TNC: variants seen among roughly 807,000 people sequenced by gnomAD.
TNC encodes tenascin C, also known as tenascin.
TNC carries 109 observed loss-of-function variants against 202.4 expected under a neutral mutation model. The ratio of observed to expected loss-of-function variants is 0.54; its 90% CI spans 0.46 to 0.63. The LOEUF (loss-of-function observed/expected upper bound fraction) is 0.63, where lower values mean the gene tolerates loss of function less well. Ranked by LOEUF, TNC falls within the 30% of genes least tolerant of loss-of-function variation. The probability of loss-of-function intolerance (pLI) is 0.00; values close to 1 mark genes in which losing one functional copy is unlikely to be tolerated. For missense variants in TNC, 2,756 were observed against 2,833.3 expected (o/e 0.97, Z 0.62); for synonymous variants, 1,007 against 1,089.7 (o/e 0.92, Z 1.50).
chr9:115,026,173 G>A (rs1829463046), intron 26 of TNC, among the ~76,000 whole-genome samples: 1 of 152,172 alleles, frequency 6.6e-6, no homozygotes, highest in African/African-American at 2.4e-5. Context: ...TACACCCAGA[G>A]TAAATTGAGA....
chr9:115,039,987 T>C (rs1281344936), intron 19 of TNC, among the ~76,000 whole-genome samples: 2 of 152,264 alleles, frequency 1.3e-5, no homozygotes, highest in Non-Finnish European at 2.9e-5. Flanking sequence ...CTATGAGGTC[T>C]ATTCTTTGTA....
In TNC at chr9:115,060,659, T is replaced by C. The variant is rs1832475248; in HGVS notation, c.4034-657A>G. On this transcript the variant is annotated intron_variant, in intron 13 of 27. Transcript: ENST00000350763. ...AATCCCTGCTTTATTTCATTATTTA[T>C]AATTAGAAAGATTATCTCATCACTA... is the stretch of plus-strand genomic sequence containing the variant. Among the ~76,000 whole-genome samples, 2 of 152,236 alleles carry C rather than the reference T, an allele frequency of 1.3e-5. 1 individual carries two copies. The highest frequency in any genetic ancestry group is 3.8e-4 in the East Asian group (2 of 5,204).
At chr9:115,024,340 A>G (rs976019951) in intron 26 of TNC, among the ~76,000 whole-genome samples, 1 of 152,206 alleles carries the variant, frequency 6.6e-6, no homozygotes, top group South Asian at 2.1e-4. Flanking sequence ...AAGCAGCATA[A>G]TGTGGTGGGA....
rs993072081 is a variant in TNC at position 115,020,558 on chromosome 9, A to T, written c.*599T>A. The T allele has an allele frequency of 4.1e-5, 5 of 120,516 alleles. No individual in the cohort carries two copies. Among genetic ancestry groups the T allele is most frequent in the Admixed American group, 1.1e-4 (1 of 8,886 alleles). 7.5% of individuals were successfully genotyped at this position (120,516 alleles called of 1,614,324 possible). A position where few individuals can be genotyped will look rare whatever the true frequency, so the allele number is the denominator to read the frequency against. On this transcript the variant is annotated 3_prime_UTR_variant, in exon 28 of 28. Transcript: ENST00000350763. ...CTCAAAAGTACTTGTGCTTTTATTTAAAAAAAAAATACAATCAGGTACTGT... is the reference window on the plus strand; with the variant it reads ...CTCAAAAGTACTTGTGCTTTTATTTTAAAAAAAAATACAATCAGGTACTGT...
In TNC at chr9:115,063,154, C is replaced by T. The variant is rs373542038; in HGVS notation, c.3796G>A (p.Glu1266Lys). 13 of 1,614,152 alleles carry T rather than the reference C, an allele frequency of 8.1e-6. No homozygotes were observed. Among genetic ancestry groups the T allele is most frequent in the South Asian group, 3.3e-5 (3 of 91,072 alleles). ...AGTCTGAGAGCATCCCAGCTAACCT[C>T]GGTCACTGTGAGGTTTCCCATATCT... Reference protein sequence around the residue: ...VPDMGNLTVTEVSWDALRLNW... With the variant: ...VPDMGNLTVTKVSWDALRLNW... The change falls in exon 13 of 28, where the codon GAG becomes AAG. Residue 1266 changes from glutamate to lysine, a missense_variant. Coordinates refer to ENST00000350763, the MANE Select transcript of TNC (RefSeq NM_002160.4).
chr9:115,072,702 G>A (rs1401674393), intron 10 of TNC, among the ~76,000 whole-genome samples: 2 of 152,084 alleles, frequency 1.3e-5, no homozygotes, highest in Non-Finnish European at 2.9e-5. Flanking sequence ...TGCTGACTTT[G>A]GGAACTACTT....
chr9:115,105,148 A>C (rs1372350111), intron 1 of TNC, among the ~76,000 whole-genome samples: 1 of 152,224 alleles, frequency 6.6e-6, no homozygotes, highest in Admixed American at 6.5e-5. Context: ...ATTTTGATAG[A>C]ATATGACTCA....
At chr9:115,047,338 A>G (rs1831281301) in intron 16 of TNC, among the ~76,000 whole-genome samples, 1 of 150,668 alleles carries the variant, frequency 6.6e-6, no homozygotes, top group African/African-American at 2.4e-5. Context: ...TGTGCTACAT[A>G]CTGTGGACCC....
At chr9:115,096,973 C>T (rs1457492109) in intron 1 of TNC, among the ~76,000 whole-genome samples, 1 of 152,226 alleles carries the variant, frequency 6.6e-6, no homozygotes, top group Non-Finnish European at 1.5e-5. Flanking sequence ...GCTTCAGCCT[C>T]TCCTTAGAAG....
chr9:115,068,980 G>A (rs537667371), intron 10 of TNC, among the ~76,000 whole-genome samples: 2 of 152,242 alleles, frequency 1.3e-5, no homozygotes, highest in East Asian at 3.9e-4. Context: ...TTGGGTTTTG[G>A]TTCTCTCTCT....
At chr9:115,078,970 C>T (rs1180110399) in intron 6 of TNC, among the ~76,000 whole-genome samples, 1 of 152,206 alleles carries the variant, frequency 6.6e-6, no homozygotes, top group Non-Finnish European at 1.5e-5. Flanking sequence ...TAAATGTTGT[C>T]TCCTAATGAG....
chr9:115,064,084 G>A lies in TNC; in HGVS notation c.3488-16C>T. The A allele has an allele frequency of 6.3e-7, 1 of 1,588,546 alleles. No homozygotes were observed. The highest frequency in any genetic ancestry group is 1.1e-5 in the South Asian group (1 of 87,456). ...GGAGTTTCCCCTGGAGAAGGACAAA[G>A]AACTAGTTTAGTGATCAAATCACAC... On this transcript the variant is annotated splice_polypyrimidine_tract_variant and intron_variant, in intron 11 of 27. Transcript: ENST00000350763.
Position 115,073,794 on chromosome 9 carries a change from G to A in TNC, c.3023C>T (p.Pro1008Leu), listed in dbSNP as rs771661764. Residue 1008 changes from proline (P) to leucine (L), a missense_variant, in exon 10 of 28, where the codon CCG (proline) becomes CTG (leucine). Pro to Leu is a moderately conservative substitution (Grantham distance 98). This residue lies in a region of TNC where 2,559 missense variants were observed against 2,546.0 expected (regional missense o/e 1.01). Coordinates refer to ENST00000350763, the MANE Select transcript of TNC (RefSeq NM_002160.4). The part of the protein sequence containing the change: ...ETSLTLLWKT[P>L]LAKFDRYRLN... ...GCGGTAGCGGTCAAATTTGGCCAAC[G>A]GTGTCTTCCAGAGCAGGGTCAGGCT... is the stretch of plus-strand genomic sequence containing the variant. 48 of 1,614,042 alleles carry A rather than the reference G, an allele frequency of 3.0e-5. No individual in the cohort carries two copies. Among genetic ancestry groups the A allele is most frequent in the African/African-American group, 4.0e-5 (3 of 75,026 alleles).
intron 25 of TNC, among the ~76,000 whole-genome samples, chr9:115,028,216 G>GA (rs771112862): frequency 4.6e-5 from 7 of 152,086 alleles, no homozygotes; most frequent in Non-Finnish European, 1.0e-4. Flanking sequence ...TACCCCTAAG[G>GA]AAAAATCCAC....
Position 115,035,112 on chromosome 9 carries a change from G to T in TNC, c.5787+92C>A. On this transcript the variant is annotated intron_variant, in intron 22 of 27. Coordinates refer to ENST00000350763, the MANE Select transcript of TNC (RefSeq NM_002160.4). ...TTTTCAGCTCCCCAGATGCACTGGG[G>T]TAGAAAAACAGCATCAGGTAATTCT... 6.3e-6 allele frequency: 9 copies of T among 1,432,800 alleles called. No individual in the cohort carries two copies. The South Asian group carries it at 1.3e-4, about 21-fold the overall frequency. 88.8% of individuals were successfully genotyped at this position (1,432,800 alleles called of 1,614,324 possible).
intron 2 of TNC, among the ~76,000 whole-genome samples, chr9:115,090,239 G>GT (rs891865717): frequency 1.3e-5 from 2 of 152,134 alleles, no homozygotes; most frequent in Admixed American, 6.5e-5. Context: ...GTACTCATAG[G>GT]TTTTGGGGTA....
At chr9:115,056,492 G>A (rs1832134489) in intron 15 of TNC, among the ~76,000 whole-genome samples, 1 of 152,180 alleles carries the variant, frequency 6.6e-6, no homozygotes, top group South Asian at 2.1e-4. Context: ...TTTAAACTAA[G>A]TCCCTTGTTT....
chr9:115,077,862 G>T, intron 7 of TNC, 81 bp downstream of exon 7: 1 of 1,453,816 alleles, frequency 6.9e-7, no homozygotes, highest in Non-Finnish European at 9.4e-7. Flanking sequence ...AATGAGCCTG[G>T]AAGATACCCC....
chr9:115,116,134 A>G (rs1311041319), intron 1 of TNC, among the ~76,000 whole-genome samples: 1 of 152,234 alleles, frequency 6.6e-6, no homozygotes, highest in Non-Finnish European at 1.5e-5. Flanking sequence ...TATGAATGAC[A>G]AAGTTGAGGG....
Sources: gnomAD v4.1 joint callset for allele counts (sites outside exome capture counted in the v4.1 genomes callset) on GRCh38, gnomAD v4.1.1 for gene constraint, gnomAD v4.1.1 regional missense constraint, MANE v1.5 for transcripts, NCBI Gene and HGNC (gene_info 2026-07-23, HGNC 2026-07-21) for gene names.